The following WWOX variants were observed in gnomAD, a reference collection of about 807,000 sequenced individuals.
WWOX encodes the protein WW domain-containing oxidoreductase.
A neutral mutation model predicts 46.2 loss-of-function variants in WWOX; 69 were observed. The ratio of observed to expected loss-of-function variants is 1.49; its 90% CI spans 1.23 to 1.82. The LOEUF (loss-of-function observed/expected upper bound fraction) is 1.82, where lower values mean the gene tolerates loss of function less well. WWOX is among the 40% of genes most tolerant of loss of function. The pLI, the probability that WWOX is intolerant of heterozygous loss-of-function variation, is 0.00. For synonymous variants in WWOX, 359 were observed against 202.6 expected, an observed-to-expected ratio of 1.77 and a Z score of -6.56; for missense variants, 919 against 542.6, an observed-to-expected ratio of 1.69 and a Z score of -6.89.
intron 5 of WWOX, among the ~76,000 whole-genome samples, chr16:78,284,561 T>C (rs1293280793): frequency 6.6e-6 from 1 of 152,228 alleles, no homozygotes; most frequent in East Asian, 1.9e-4. Flanking sequence ...CATTACTCTT[T>C]TCTTGGACAC....
chr16:78,788,056 A>G (rs1047687434), intron 8 of WWOX, among the ~76,000 whole-genome samples: 13 of 152,328 alleles, frequency 8.5e-5, no homozygotes, highest in African/African-American at 3.1e-4. Context: ...CCCTTATCGT[A>G]TAAATCCTTT....
At chr16:79,057,294 G>A (rs2048280969) in intron 8 of WWOX, among the ~76,000 whole-genome samples, 1 of 152,154 alleles carries the variant, frequency 6.6e-6, no homozygotes, top group Non-Finnish European at 1.5e-5. Flanking sequence ...CCCCAGCATG[G>A]GGGCATGAAT....
intron 5 of WWOX, among the ~76,000 whole-genome samples, chr16:78,307,383 T>C (rs929348543): frequency 6.6e-6 from 1 of 152,138 alleles, no homozygotes; most frequent in African/African-American, 2.4e-5. Context: ...GAGATGAACC[T>C]GAATTACCGA....
intron 8 of WWOX, among the ~76,000 whole-genome samples, chr16:79,048,219 G>C (rs753781059): frequency 3.3e-5 from 5 of 152,172 alleles, no homozygotes; most frequent in African/African-American, 4.8e-5. Context: ...CCAGGAGGGA[G>C]CTGACCTGTG....
intron 8 of WWOX, chr16:78,890,102 TACACAC>T (rs1391463570): frequency 1.3e-5 from 2 of 152,130 alleles, no homozygotes; most frequent in Non-Finnish European, 2.9e-5. Flanking sequence ...CACACACATG[TACACAC>T]ATACACATAC....
intron 8 of WWOX, among the ~76,000 whole-genome samples, chr16:79,040,037 C>T (rs1207495309): frequency 6.6e-6 from 1 of 152,170 alleles, no homozygotes; most frequent in African/African-American, 2.4e-5. Flanking sequence ...GGGCAATTAG[C>T]ATCACCCTGC....
chr16:78,146,781 G>A (rs1319506739), intron 4 of WWOX, among the ~76,000 whole-genome samples: 2 of 152,142 alleles, frequency 1.3e-5, no homozygotes, highest in South Asian at 2.1e-4. Flanking sequence ...CACTGAATAT[G>A]TTATAACCAA....
chr16:78,573,237 G>A (rs1247881851), intron 8 of WWOX, among the ~76,000 whole-genome samples: 1 of 152,210 alleles, frequency 6.6e-6, no homozygotes, highest in East Asian at 1.9e-4. Context: ...AGTGAGCCGA[G>A]ATCGTGCCAC....
chr16:78,602,811 G>A (rs1247292407), intron 8 of WWOX, among the ~76,000 whole-genome samples: 1 of 152,198 alleles, frequency 6.6e-6, no homozygotes, highest in Non-Finnish European at 1.5e-5. Flanking sequence ...AAGAGTAGAT[G>A]CTATCATTCT....
intron 8 of WWOX, among the ~76,000 whole-genome samples, chr16:78,973,306 T>G (rs2046508215): frequency 6.6e-6 from 1 of 152,160 alleles, no homozygotes; most frequent in South Asian, 2.1e-4. Context: ...GTTTGGGTAC[T>G]TATGTTCCCT....
At chr16:78,371,374 T>C (rs12446072) in intron 5 of WWOX, among the ~76,000 whole-genome samples, 9,146 of 152,302 alleles carry the variant, frequency 0.06, 352 homozygotes, top group Middle Eastern at 0.12. Flanking sequence ...ATTTGAAGTA[T>C]GTTGAAACTG....
chr16:78,770,264 T>C (rs568049287), intron 8 of WWOX, among the ~76,000 whole-genome samples: 3 of 152,078 alleles, frequency 2.0e-5, no homozygotes, highest in East Asian at 1.9e-4. Flanking sequence ...GGCAGGAGAA[T>C]CACTTGAATC....
At chr16:78,228,335 C>G (rs989676458) in intron 5 of WWOX, among the ~76,000 whole-genome samples, 7 of 122,840 alleles carry the variant, frequency 5.7e-5, no homozygotes, top group Non-Finnish European at 9.5e-5. Flanking sequence ...GAATCATATT[C>G]TCTCTTTTTT....
chr16:78,744,607 T>G lies in WWOX; in HGVS notation c.1056+311855T>G, dbSNP rs546816846. ...CCACCACACCTGGCTAATTTTTGTATTTTTAGTAGAGATGAGGTTTCACCA... is the reference window on the plus strand; with the variant it reads ...CCACCACACCTGGCTAATTTTTGTAGTTTTAGTAGAGATGAGGTTTCACCA... On this transcript the variant is annotated intron_variant, in intron 8 of 8. Transcript: ENST00000566780. 2.0e-5 allele frequency among the ~76,000 whole-genome samples: 3 copies of G among 151,870 alleles called. No individual in the cohort carries two copies. The East Asian group carries it at 5.8e-4, about 29-fold the overall frequency.
chr16:78,814,237 C>G (rs949315490), intron 8 of WWOX, among the ~76,000 whole-genome samples: 2 of 152,176 alleles, frequency 1.3e-5, no homozygotes, highest in East Asian at 3.9e-4. Flanking sequence ...CTCCATCTTA[C>G]ATCAACAATT....
At chr16:78,530,656 A>G (rs2043599901) in intron 8 of WWOX, among the ~76,000 whole-genome samples, 1 of 152,174 alleles carries the variant, frequency 6.6e-6, no homozygotes, top group Admixed American at 6.5e-5. Flanking sequence ...ATATGTTCTC[A>G]CTTTGGGCCA....
chr16:78,319,663 A>T (rs1262094021), intron 5 of WWOX, among the ~76,000 whole-genome samples: 2 of 152,188 alleles, frequency 1.3e-5, no homozygotes, highest in Non-Finnish European at 1.5e-5. Flanking sequence ...GTCACATAGC[A>T]ATGGAAAAAT....
At chr16:78,476,651 G>A (rs981144135) in intron 8 of WWOX, among the ~76,000 whole-genome samples, 1 of 151,658 alleles carries the variant, frequency 6.6e-6, no homozygotes, top group Non-Finnish European at 1.5e-5. Context: ...ATCGACTTTC[G>A]TTTTCATTTC....
intron 8 of WWOX, among the ~76,000 whole-genome samples, chr16:79,044,989 A>G (rs148531739): frequency 2.0e-5 from 3 of 152,334 alleles, no homozygotes; most frequent in East Asian, 1.9e-4. Flanking sequence ...TAACTGCTCA[A>G]TAAAGGGTAG....
Sources: allele counts gnomAD v4.1 joint callset (sites outside exome capture counted in the v4.1 genomes callset), GRCh38; gene constraint gnomAD v4.1.1; transcripts MANE v1.5; gene names NCBI Gene and HGNC (gene_info 2026-07-23, HGNC 2026-07-21).